The following CES3 variants were observed in gnomAD, a reference collection of about 807,000 sequenced individuals.
CES3 encodes carboxylesterase 3.
A neutral mutation model predicts 57.6 loss-of-function variants in CES3; 49 were observed. The observed-to-expected ratio is 0.85, with a 90% CI of 0.68 to 1.08. The LOEUF is 1.08. Ranked by LOEUF, CES3 falls within the 50% of genes least tolerant of loss-of-function variation. The pLI, the probability that CES3 is intolerant of heterozygous loss-of-function variation, is 0.00. For missense variants in CES3, 645 were observed against 742.0 expected, an observed-to-expected ratio of 0.87 and a Z score of 1.52; for synonymous variants, 266 against 281.6, an observed-to-expected ratio of 0.94 and a Z score of 0.55.
Position 66,963,136 on chromosome 16 carries a change from G to C in CES3, c.83-43G>C, listed in dbSNP as rs1393222334. The stretch of plus-strand genomic sequence containing the variant: ...TTGTCTTTCACTCCTTCCCCTCATG[G>C]GGGCTGCAAACTCACCCCGTGGCCT... On this transcript the variant is annotated intron_variant, in intron 1 of 12. Coordinates refer to ENST00000303334, the MANE Select transcript of CES3 (RefSeq NM_024922.6). The surrounding 1 kb of genome is among the most constrained non-coding windows in gnomAD (Gnocchi z 4.9). 1 of 1,595,654 alleles carries C rather than the reference G, an allele frequency of 6.3e-7. No homozygotes were observed. Among genetic ancestry groups the C allele is most frequent in the African/African-American group, 1.3e-5 (1 of 74,544 alleles).
intron 8 of CES3, among the ~76,000 whole-genome samples, chr16:66,967,232 G>GC (rs1026245759): frequency 9.2e-5 from 14 of 152,242 alleles, no homozygotes; most frequent in African/African-American, 3.1e-4. Context: ...ACAGGCACAT[G>GC]CCACCACACC....
intron 6 of CES3, among the ~76,000 whole-genome samples, chr16:66,965,164 G>A (rs769175463): frequency 6.6e-6 from 1 of 152,252 alleles, no homozygotes; most frequent in Non-Finnish European, 1.5e-5. Context: ...AGGTGTGGGA[G>A]AGAGTGACAG....
In CES3 at chr16:66,963,492, T is replaced by A. The variant is rs1451763279; in HGVS notation, c.289T>A (p.Cys97Ser). ...CCTCAGGCCCACCCTTGGCCACAGG[T>A]GCCTACAAGACGTGGAGAGCATGAA... ...VRDASTAPPM[C>S]LQDVESMNSS... Residue 97 changes from cysteine to serine, a missense_variant and splice_region_variant, in exon 3 of 13, where the codon TGC becomes AGC. Transcript: ENST00000303334. This position sits in a 1 kb window ranked among gnomAD's most constrained non-coding sequence, Gnocchi z 4.9. 1 of 1,611,334 alleles carries A rather than the reference T, an allele frequency of 6.2e-7. No individual in the cohort carries two copies. The highest frequency in any genetic ancestry group is 1.3e-5 in the African/African-American group (1 of 74,982).
At chr16:66,970,016 G>A (rs1483345073) in intron 9 of CES3, among the ~76,000 whole-genome samples, 3 of 151,966 alleles carry the variant, frequency 2.0e-5, no homozygotes, top group African/African-American at 4.8e-5. Context: ...CACATATTAC[G>A]TGCCAGGGAC....
chr16:66,969,051 T>G (rs71647899), intron 8 of CES3, among the ~76,000 whole-genome samples: 3,669 of 152,246 alleles, frequency 0.024, 101 homozygotes, highest in South Asian at 0.074. Flanking sequence ...AGGACCTGGG[T>G]AGATCTGCCT....
intron 10 of CES3, 86 bp from the exon 11 acceptor site, chr16:66,972,270 T>C: frequency 6.4e-6 from 8 of 1,257,926 alleles, no homozygotes; most frequent in Admixed American, 2.6e-5. Flanking sequence ...ATCATGGAAA[T>C]TGGTGTTATT....
intron 8 of CES3, chr16:66,967,491 G>C (rs555522019): frequency 4.7e-4 from 467 of 985,486 alleles, no homozygotes; most frequent in Non-Finnish European, 5.4e-4. Context: ...CTCTGTGCCA[G>C]AGCAATTGAC....
At chr16:66,962,358 G>A (rs1169133545) in intron 1 of CES3, among the ~76,000 whole-genome samples, 1 of 152,264 alleles carries the variant, frequency 6.6e-6, no homozygotes, top group African/African-American at 2.4e-5. Flanking sequence ...GGGAGAGGCA[G>A]TCCTCCAGTC....
intron 9 of CES3, 144 bp downstream of exon 9, chr16:66,969,903 A>G: frequency 1.5e-6 from 1 of 684,726 alleles, no homozygotes; most frequent in Non-Finnish European, 2.6e-6. Flanking sequence ...TAACTGATCA[A>G]TTTTACTTCC....
chr16:66,972,061 C>T (rs1006350353), intron 10 of CES3, among the ~76,000 whole-genome samples: 3 of 152,092 alleles, frequency 2.0e-5, no homozygotes, highest in African/African-American at 2.4e-5. Flanking sequence ...CACTTGAGCG[C>T]GGGAGTCTCA....
chr16:66,966,374 G>C, intron 7 of CES3, 29 bp downstream of exon 7: 9 of 1,598,632 alleles, frequency 5.6e-6, no homozygotes, highest in Non-Finnish European at 7.7e-6. Context: ...GGATGGTGCC[G>C]GGCAATGGCA....
chr16:66,970,119 T>C (rs1306412682), intron 9 of CES3, among the ~76,000 whole-genome samples: 2 of 150,334 alleles, frequency 1.3e-5, no homozygotes, highest in African/African-American at 4.9e-5. Context: ...GTTTTTTTTT[T>C]TTTTTTTGAG....
rs1453377005 is a variant in CES3, at chr16:66,973,994, A to G, written c.*945A>G. ...ACAGCAGGACAGGCCAGGGGAGGGC[A>G]TCTGGACCAGGGCATCCGTCGGGCT... On this transcript the variant is annotated 3_prime_UTR_variant, in exon 13 of 13. Transcript: ENST00000303334. 6.6e-6 allele frequency: 1 copy of G among 152,452 alleles called. No homozygotes were observed. Among genetic ancestry groups the G allele is most frequent in the Admixed American group, 6.5e-5 (1 of 15,274 alleles). The allele number at this position is 152,452 out of a possible 1,614,324, so 9.4% of individuals were successfully genotyped here.
rs117166706 is a variant in CES3, at chr16:66,970,434, C to T, written c.1143+675C>T. Among the ~76,000 whole-genome samples the T allele has an allele frequency of 3.9e-5, 6 of 152,346 alleles. No homozygotes were observed. The East Asian group carries it at 9.6e-4, about 24-fold the overall frequency. The stretch of plus-strand genomic sequence containing the variant: ...CTGCAACTCTTTACAGAGGAATTCT[C>T]GCTAGCCCCATTTTACACATGAGGA... On this transcript the variant is annotated intron_variant, in intron 9 of 12. Transcript: ENST00000303334.
intron 4 of CES3, 148 bp from the exon 5 acceptor site, chr16:66,964,209 G>T (rs1293666111): frequency 1.8e-6 from 2 of 1,124,688 alleles, no homozygotes; most frequent in Non-Finnish European, 2.5e-6. Flanking sequence ...AGAGCAACAG[G>T]CTGTGGAGAT....
intron 10 of CES3, among the ~76,000 whole-genome samples, chr16:66,971,813 A>G (rs1300395288): frequency 6.6e-6 from 1 of 152,206 alleles, no homozygotes; most frequent in East Asian, 1.9e-4. Context: ...TTCTATTAAT[A>G]CAGAATCTAT....
chr16:66,971,670 A>AG (rs1170617584), intron 10 of CES3, among the ~76,000 whole-genome samples: 10 of 152,192 alleles, frequency 6.6e-5, no homozygotes, highest in Admixed American at 2.0e-4. Flanking sequence ...CAAGCCTAGT[A>AG]GCTAATCCCT....
At position 66,973,367 on chromosome 16, in the gene CES3, C is replaced by A. The variant is rs2145543811; in HGVS notation, c.*318C>A. 3.5e-6 allele frequency: 1 copy of A among 284,818 alleles called. No homozygotes were observed. The highest frequency in any genetic ancestry group is 2.2e-5 in the African/African-American group (1 of 46,320). 17.6% of individuals were successfully genotyped at this position (284,818 alleles called of 1,614,324 possible). ...TCCCTGCCTTCTCTGGGCTGTGCGG[C>A]CCCGAGTCTGCGTCCATTAGAGCAC... On this transcript the variant is annotated 3_prime_UTR_variant, in exon 13 of 13. Coordinates refer to ENST00000303334, the MANE Select transcript of CES3 (RefSeq NM_024922.6).
At position 66,972,659 on chromosome 16, in the gene CES3, C is replaced by G. The variant is rs767494201; in HGVS notation, c.1442-9C>G. The G allele has an allele frequency of 3.1e-6, 5 of 1,614,222 alleles. 1 individual carries two copies. Among genetic ancestry groups the G allele is most frequent in the African/African-American group, 2.7e-5 (2 of 75,072 alleles). On this transcript the variant is annotated splice_polypyrimidine_tract_variant and intron_variant, in intron 11 of 12. Coordinates refer to ENST00000303334, the MANE Select transcript of CES3 (RefSeq NM_024922.6). ...CTCTCGTTCAGTTCTGTCCCTCTCA[C>G]CTTTCCAGCCTTTCCAGAGGCCACA...
Sources: gnomAD v4.1 joint callset for allele counts (sites outside exome capture counted in the v4.1 genomes callset) on GRCh38, gnomAD v4.1.1 for gene constraint, Gnocchi (gnomAD v3.1) non-coding constraint, MANE v1.5 for transcripts, NCBI Gene and HGNC (gene_info 2026-07-23, HGNC 2026-07-21) for gene names.